The following ROBO2 variants were observed in gnomAD, a reference collection of about 807,000 sequenced individuals.
ROBO2 encodes roundabout guidance receptor 2, also known as roundabout homolog 2.
A neutral mutation model predicts 160.8 loss-of-function variants in ROBO2; 53 were observed. The observed-to-expected ratio is 0.33, with a 90% CI of 0.26 to 0.41. The LOEUF is 0.41. Among genes scored for constraint, ROBO2 ranks in the 10% least tolerant of loss-of-function variants. The probability of loss-of-function intolerance (pLI) is 1.00; values close to 1 mark genes in which losing one functional copy is unlikely to be tolerated. For synonymous variants in ROBO2, 664 were observed against 611.7 expected, an observed-to-expected ratio of 1.09 and a Z score of -1.26; for missense variants, 1,577 against 1,722.4, an observed-to-expected ratio of 0.92 and a Z score of 1.49.
rs2086476743 is a variant in ROBO2 at position 77,494,072 on chromosome 3, G to A, written c.806+690G>A. On this transcript the variant is annotated intron_variant, in intron 5 of 25. Transcript: ENST00000461745. ...AAAATAATTTTGACTTGTTGTTATA[G>A]AAATTTCCTTAAGGCCTTGCCATTT... Among the ~76,000 whole-genome samples, 2 of 152,050 alleles carry A rather than the reference G, an allele frequency of 1.3e-5. 1 individual carries two copies.
intron 2 of ROBO2, among the ~76,000 whole-genome samples, chr3:77,267,207 G>C (rs1005828239): frequency 6.6e-6 from 1 of 152,020 alleles, no homozygotes; most frequent in African/African-American, 2.4e-5. Context: ...ACATGCCCAG[G>C]ACTCCCAAGT....
chr3:76,180,308 G>A (rs1000286612), intron 2 of ROBO2, among the ~76,000 whole-genome samples: 1 of 152,140 alleles, frequency 6.6e-6, no homozygotes, highest in Non-Finnish European at 1.5e-5. Flanking sequence ...TTGAACTGAA[G>A]TAAGTTTTGC....
At chr3:76,990,878 A>G (rs115289414) in intron 2 of ROBO2, among the ~76,000 whole-genome samples, 1 of 152,118 alleles carries the variant, frequency 6.6e-6, no homozygotes, top group African/African-American at 2.4e-5. Flanking sequence ...GTGAGCATGC[A>G]TACAGCTCCA....
chr3:77,276,918 C>T (rs994698531), intron 2 of ROBO2, among the ~76,000 whole-genome samples: 10 of 152,072 alleles, frequency 6.6e-5, no homozygotes, highest in Admixed American at 1.3e-4. Context: ...TCTCATAAGA[C>T]GCATTTACTA....
At chr3:76,019,623 T>G (rs2066511423) in intron 2 of ROBO2, among the ~76,000 whole-genome samples, 1 of 151,986 alleles carries the variant, frequency 6.6e-6, no homozygotes, top group African/African-American at 2.4e-5. Context: ...CTCACATGGT[T>G]AGGTTTTCTC....
intron 2 of ROBO2, among the ~76,000 whole-genome samples, chr3:76,865,134 A>G: frequency 6.8e-6 from 1 of 147,302 alleles, no homozygotes; most frequent in Non-Finnish European, 1.5e-5. Context: ...TTTTCTTTCT[A>G]AAAAAAAAAA....
At chr3:76,787,211 A>G (rs112495662) in intron 2 of ROBO2, among the ~76,000 whole-genome samples, 1,548 of 151,410 alleles carry the variant, frequency 0.01, 22 homozygotes, top group African/African-American at 0.035. Flanking sequence ...GAGCCAAACC[A>G]TATCACAATG....
intron 2 of ROBO2, among the ~76,000 whole-genome samples, chr3:76,662,221 T>C (rs141419443): frequency 6.6e-6 from 1 of 152,248 alleles, no homozygotes; most frequent in East Asian, 1.9e-4. Flanking sequence ...TTATTTTTGG[T>C]CTTCCCTGTC....
In ROBO2 at chr3:77,034,790, T is replaced by A. The variant is rs76350853; in HGVS notation, c.110-63224T>A. 3.4e-3 allele frequency among the ~76,000 whole-genome samples: 511 copies of A among 152,032 alleles called. 5 individuals are homozygous for A. The highest frequency in any genetic ancestry group is 0.012 in the African/African-American group (489 of 41,546). ...TTTAAAATAAATTTTTCTATTAGGA[T>A]TACAGCTATGTATTGCTAAAATTTA... is the stretch of plus-strand genomic sequence containing the variant. On this transcript the variant is annotated intron_variant, in intron 2 of 26. Coordinates refer to the ROBO2 transcript ENST00000487694.
At chr3:76,607,814 T>C (rs2087777803) in intron 2 of ROBO2, among the ~76,000 whole-genome samples, 1 of 152,238 alleles carries the variant, frequency 6.6e-6, no homozygotes, top group Non-Finnish European at 1.5e-5. Flanking sequence ...GAAAACACTT[T>C]TGAGGAACAA....
At chr3:76,069,527 T>TTG (rs959249740) in intron 2 of ROBO2, among the ~76,000 whole-genome samples, 5 of 112,434 alleles carry the variant, frequency 4.4e-5, no homozygotes, top group Non-Finnish European at 1.1e-4. Context: ...TATTGCTAGT[T>TTG]TTTTTTTTTT....
chr3:76,793,256 CTAT>C (rs1476965311), intron 2 of ROBO2, among the ~76,000 whole-genome samples: 2 of 151,714 alleles, frequency 1.3e-5, no homozygotes, highest in African/African-American at 4.8e-5. Flanking sequence ...TAACAAATAT[CTAT>C]TATTAATATT....
intron 5 of ROBO2, among the ~76,000 whole-genome samples, chr3:77,513,014 A>C (rs1460381744): frequency 6.6e-6 from 1 of 151,880 alleles, no homozygotes; most frequent in Admixed American, 6.6e-5. Context: ...AAAACTAAAC[A>C]TGTTGAGAAA....
At chr3:76,633,642 C>T (rs1482065662) in intron 2 of ROBO2, among the ~76,000 whole-genome samples, 2 of 152,194 alleles carry the variant, frequency 1.3e-5, no homozygotes, top group Admixed American at 1.3e-4. Flanking sequence ...AATGGTTTCC[C>T]AAGCACTTTC....
chr3:77,109,338 TAAA>T (rs1193059637), intron 2 of ROBO2, among the ~76,000 whole-genome samples: 1 of 151,950 alleles, frequency 6.6e-6, no homozygotes, highest in Admixed American at 6.6e-5. Context: ...ACTGTACACT[TAAA>T]AATGGCTAAG....
Position 76,401,551 on chromosome 3 carries a change from C to A in ROBO2, c.109+463949C>A, listed in dbSNP as rs377092866. The stretch of plus-strand genomic sequence containing the variant: ...TGATAAAAGATTAAGTAAGGATGAG[C>A]AATTAACAACAATAACGGAACCAGT... On this transcript the variant is annotated intron_variant, in intron 2 of 26. Coordinates refer to the ROBO2 transcript ENST00000487694. 6.6e-5 allele frequency among the ~76,000 whole-genome samples: 10 copies of A among 151,540 alleles called. No homozygotes were observed. The East Asian group carries it at 1.7e-3, about 26-fold the overall frequency.
chr3:76,530,413 T>C (rs1312770085), intron 2 of ROBO2, among the ~76,000 whole-genome samples: 1 of 152,134 alleles, frequency 6.6e-6, no homozygotes, highest in Non-Finnish European at 1.5e-5. Flanking sequence ...TCAATCCCAG[T>C]AGTGTTCCTC....
intron 5 of ROBO2, among the ~76,000 whole-genome samples, chr3:77,518,281 T>C (rs980653004): frequency 1.3e-5 from 2 of 151,626 alleles, no homozygotes; most frequent in East Asian, 3.9e-4. Flanking sequence ...GAAGGTGAAC[T>C]TTTAAAGATT....
At chr3:76,298,352 G>A (rs1177945707) in intron 2 of ROBO2, among the ~76,000 whole-genome samples, 1 of 152,104 alleles carries the variant, frequency 6.6e-6, no homozygotes, top group East Asian at 1.9e-4. Flanking sequence ...ATCCAATATA[G>A]ACCAAGAAAT....
Sources: allele counts gnomAD v4.1 joint callset (sites outside exome capture counted in the v4.1 genomes callset), GRCh38; gene constraint gnomAD v4.1.1; transcripts MANE v1.5; gene names NCBI Gene and HGNC (gene_info 2026-07-23, HGNC 2026-07-21).